The following NEDD4L variants were observed in gnomAD, a reference collection of about 807,000 sequenced individuals.
The protein encoded by NEDD4L is E3 ubiquitin-protein ligase NEDD4-like.
A neutral mutation model predicts 148.9 loss-of-function variants in NEDD4L; 54 were observed. The ratio of observed to expected loss-of-function variants is 0.36; its 90% CI spans 0.29 to 0.45. The LOEUF is 0.45. Ranked by LOEUF, NEDD4L falls within the 20% of genes least tolerant of loss-of-function variation. The pLI, the probability that NEDD4L is intolerant of heterozygous loss-of-function variation, is 1.00. For synonymous variants in NEDD4L, 433 were observed against 440.7 expected (o/e 0.98, Z 0.22); for missense variants, 856 against 1,233.8 (o/e 0.69, Z 4.59).
intron 1 of NEDD4L, among the ~76,000 whole-genome samples, chr18:58,079,884 G>A (rs2083346356): frequency 6.6e-6 from 1 of 152,170 alleles, no homozygotes; most frequent in Non-Finnish European, 1.5e-5. Flanking sequence ...GGCATTCAGT[G>A]CTCATGCAGA....
At chr18:58,255,647 C>T (rs988806718) in intron 5 of NEDD4L, 2 of 1,232,392 alleles carry the variant, frequency 1.6e-6, no homozygotes, top group African/African-American at 3.1e-5. Context: ...CACCATGGCC[C>T]ATCGGCTTCG....
chr18:58,296,521 C>T (rs1206379124), intron 5 of NEDD4L, among the ~76,000 whole-genome samples: 1 of 152,230 alleles, frequency 6.6e-6, no homozygotes, highest in Admixed American at 6.5e-5. Flanking sequence ...CACATCTGCC[C>T]CTTGCTTCCT....
chr18:58,347,371 T>C (rs116557228), intron 16 of NEDD4L, among the ~76,000 whole-genome samples: 1,982 of 152,150 alleles, frequency 0.013, 34 homozygotes, highest in African/African-American at 0.046. Context: ...TTTCTCTAAA[T>C]CTGGCATGGT....
chr18:58,144,218 T>C (rs909874212), intron 1 of NEDD4L, among the ~76,000 whole-genome samples: 1 of 152,052 alleles, frequency 6.6e-6, no homozygotes, highest in Non-Finnish European at 1.5e-5. Flanking sequence ...GTTTAATTGG[T>C]TCTTGGCTCT....
At chr18:58,142,809 G>A (rs902031448) in intron 1 of NEDD4L, among the ~76,000 whole-genome samples, 7 of 151,590 alleles carry the variant, frequency 4.6e-5, no homozygotes, top group Non-Finnish European at 1.0e-4. Context: ...CTTAAAAATT[G>A]CAGTGTATAG....
chr18:58,175,144 G>A (rs755253756), intron 2 of NEDD4L, among the ~76,000 whole-genome samples: 26 of 152,198 alleles, frequency 1.7e-4, no homozygotes, highest in Non-Finnish European at 3.4e-4. Context: ...CTGAGCCAAC[G>A]TTTGGGAGAT....
Position 58,366,486 on chromosome 18 carries a change from A to G in NEDD4L, c.2063+258A>G, listed in dbSNP as rs2046123208. The G allele has an allele frequency of 2.9e-6, 1 of 347,480 alleles. No individual in the cohort carries two copies. Among genetic ancestry groups the G allele is most frequent in the Admixed American group, 4.5e-5 (1 of 22,084 alleles). The allele number at this position is 347,480 out of a possible 1,614,324, so 21.5% of individuals were successfully genotyped here. On this transcript the variant is annotated intron_variant, in intron 21 of 30. Transcript: ENST00000400345. This position sits in a 1 kb window ranked among gnomAD's most constrained non-coding sequence, Gnocchi z 4.2. Reference sequence around the variant, plus strand: ...TGGAGTTGAAATTGAAAACGTGGATAATTATGATAAGGAACAGGAGGCGAT... The same window carrying G: ...TGGAGTTGAAATTGAAAACGTGGATGATTATGATAAGGAACAGGAGGCGAT...
chr18:58,269,888 C>T (rs1215007706), intron 5 of NEDD4L, among the ~76,000 whole-genome samples: 1 of 149,586 alleles, frequency 6.7e-6, no homozygotes, highest in Non-Finnish European at 1.5e-5. Context: ...AATAAACTTG[C>T]ATTCAAGCAA....
Position 58,044,409 on chromosome 18 carries a change from C to G in NEDD4L, c.-252C>G, listed in dbSNP as rs1053461546. On this transcript the variant is annotated 5_prime_UTR_variant, in exon 1 of 31. Coordinates refer to ENST00000400345, the MANE Select transcript of NEDD4L (RefSeq NM_001144967.3). ...AGTGAGAGGCGCCGGGGCTGCCGCC[C>G]GGTGCTCGGCGCGCTCTCGGGAGCC... The G allele has an allele frequency of 7.3e-5, 20 of 275,346 alleles. No homozygotes were observed. The highest frequency in any genetic ancestry group is 4.5e-4 in the African/African-American group (20 of 44,406). 17.1% of individuals were successfully genotyped at this position (275,346 alleles called of 1,614,324 possible).
chr18:58,115,129 C>CA (rs2085711103), intron 1 of NEDD4L, among the ~76,000 whole-genome samples: 3 of 152,116 alleles, frequency 2.0e-5, no homozygotes, highest in Non-Finnish European at 4.4e-5. Context: ...AAACCTTAGG[C>CA]GTCTGATATT....
chr18:58,328,376 G>A (rs1399970458), intron 9 of NEDD4L, among the ~76,000 whole-genome samples: 1 of 152,222 alleles, frequency 6.6e-6, no homozygotes, highest in Non-Finnish European at 1.5e-5. Context: ...GCTGACTTGA[G>A]AGGTTATCTC....
intron 17 of NEDD4L, among the ~76,000 whole-genome samples, 172 bp from the exon 18 acceptor site, chr18:58,350,819 C>T (rs2043785090): frequency 6.6e-6 from 1 of 152,208 alleles, no homozygotes; most frequent in African/African-American, 2.4e-5. Flanking sequence ...TGTTGCTAGA[C>T]ATGGTCAAGA....
intron 2 of NEDD4L, among the ~76,000 whole-genome samples, chr18:58,226,781 A>G (rs1382658576): frequency 6.6e-6 from 1 of 152,168 alleles, no homozygotes; most frequent in East Asian, 1.9e-4. Context: ...GACAGAGATG[A>G]CATCCAGTTG....
In NEDD4L at chr18:58,398,033, A is replaced by AAGGGGTGC; in HGVS notation, c.*1767_*1774dup. ...GTTGTGGTTGTAAATGAGTTGTCTAAAGGGGTGCAGAGGCCTGAGGTTTCT... is the reference window on the plus strand; with the variant it reads ...GTTGTGGTTGTAAATGAGTTGTCTAAAGGGGTGCAGGGGTGCAGAGGCCTGAGGTTTCT... On this transcript the variant is annotated 3_prime_UTR_variant, in exon 31 of 31. Coordinates refer to ENST00000400345, the MANE Select transcript of NEDD4L (RefSeq NM_001144967.3). 1 of 151,932 alleles carries AAGGGGTGC rather than the reference A, an allele frequency of 6.6e-6. No homozygotes were observed. Among genetic ancestry groups the AAGGGGTGC allele is most frequent in the South Asian group, 2.1e-4 (1 of 4,788 alleles). 9.4% of individuals were successfully genotyped at this position (151,932 alleles called of 1,614,324 possible).
intron 5 of NEDD4L, among the ~76,000 whole-genome samples, chr18:58,303,788 C>T (rs1168449568): frequency 1.3e-5 from 2 of 152,206 alleles, no homozygotes; most frequent in African/African-American, 4.8e-5. Context: ...CTGTTTCACT[C>T]TTGAGTGTTA....
intron 19 of NEDD4L, among the ~76,000 whole-genome samples, chr18:58,363,440 A>T (rs781756008): frequency 6.6e-6 from 1 of 152,190 alleles, no homozygotes; most frequent in Non-Finnish European, 1.5e-5. Context: ...GCAAAACCCA[A>T]TCCTTTTTGC....
intron 2 of NEDD4L, chr18:58,194,000 C>T (rs1332552875): frequency 6.6e-6 from 1 of 152,296 alleles, no homozygotes; most frequent in Non-Finnish European, 1.5e-5. Context: ...TTGTGAATTT[C>T]ATTCTGTGTC....
intron 4 of NEDD4L, among the ~76,000 whole-genome samples, chr18:58,250,576 C>T (rs1253287731): frequency 6.6e-6 from 1 of 152,176 alleles, no homozygotes; most frequent in East Asian, 1.9e-4. Flanking sequence ...TCTGCTTGTT[C>T]TGTCGCTAGG....
intron 1 of NEDD4L, among the ~76,000 whole-genome samples, chr18:58,080,402 C>G (rs1020092046): frequency 2.0e-5 from 3 of 152,190 alleles, no homozygotes; most frequent in Non-Finnish European, 4.4e-5. Context: ...TAACCTGAAG[C>G]TTGTGGGTTT....
Sources: allele counts gnomAD v4.1 joint callset (sites outside exome capture counted in the v4.1 genomes callset), GRCh38; gene constraint gnomAD v4.1.1; non-coding constraint Gnocchi (gnomAD v3.1); transcripts MANE v1.5; gene names NCBI Gene and HGNC (gene_info 2026-07-23, HGNC 2026-07-21).